CHSY3: variants seen among roughly 807,000 people sequenced by gnomAD.
CHSY3 encodes the protein chondroitin sulfate synthase 3, also known as N-acetylgalactosaminyl-proteoglycan 3-beta-glucuronosyltransferase 3.
Under a neutral mutation model 67.2 loss-of-function variants are expected in CHSY3, and 35 were observed. The observed-to-expected ratio is 0.52, with a 90% CI of 0.40 to 0.69. The LOEUF (loss-of-function observed/expected upper bound fraction) is 0.69, where lower values mean the gene tolerates loss of function less well. Among genes scored for constraint, CHSY3 ranks in the 30% least tolerant of loss-of-function variants. CHSY3 has a pLI of 0.00. For synonymous variants in CHSY3, 474 were observed against 434.7 expected, an observed-to-expected ratio of 1.09 and a Z score of -1.12; for missense variants, 1,069 against 1,138.5, an observed-to-expected ratio of 0.94 and a Z score of 0.88.
intron 2 of CHSY3, among the ~76,000 whole-genome samples, chr5:130,073,510 A>G (rs1333783995): frequency 6.6e-6 from 1 of 151,884 alleles, no homozygotes; most frequent in Non-Finnish European, 1.5e-5. Flanking sequence ...CTGGTCTTGA[A>G]CACCCGCCCC....
intron 2 of CHSY3, among the ~76,000 whole-genome samples, chr5:130,018,483 C>T (rs1398163326): frequency 6.6e-6 from 1 of 152,180 alleles, no homozygotes; most frequent in Non-Finnish European, 1.5e-5. Context: ...TAGTTCTCTG[C>T]TTCTGTCTCT....
At chr5:129,919,666 A>G (rs1760853737) in intron 2 of CHSY3, among the ~76,000 whole-genome samples, 1 of 152,290 alleles carries the variant, frequency 6.6e-6, no homozygotes, top group Admixed American at 6.5e-5. Context: ...TGATTCAGTT[A>G]TCTCCCCCGG....
intron 2 of CHSY3, among the ~76,000 whole-genome samples, chr5:130,162,981 C>G (rs1430727302): frequency 9.9e-5 from 15 of 152,056 alleles, no homozygotes; most frequent in Admixed American, 9.8e-4. Flanking sequence ...AGCACTTTTT[C>G]AATCAGTGCA....
rs148894132 is a variant in CHSY3 at position 130,028,608 on chromosome 5, A to C, written c.1086+120248A>C. 5.0e-3 allele frequency among the ~76,000 whole-genome samples: 767 copies of C among 152,238 alleles called. 7 individuals carry two copies. Among genetic ancestry groups the C allele is most frequent in the Non-Finnish European group, 8.4e-3 (568 of 67,994 alleles). On this transcript the variant is annotated intron_variant, in intron 2 of 2. Transcript: ENST00000305031. ...CTGCTTAATTAAATTAGCTGTAGTG[A>C]AAATGACAACTTATTATCTCACATA...
At chr5:130,082,883 T>C (rs112443426) in intron 2 of CHSY3, among the ~76,000 whole-genome samples, 1,727 of 151,500 alleles carry the variant, frequency 0.011, 26 homozygotes, top group African/African-American at 0.038. Flanking sequence ...TATATGTATA[T>C]ACACACACAC....
At chr5:129,924,967 A>G (rs115163572) in intron 2 of CHSY3, among the ~76,000 whole-genome samples, 1,707 of 152,282 alleles carry the variant, frequency 0.011, 39 homozygotes, top group African/African-American at 0.038. Context: ...TGTCTTGGAA[A>G]ACACATACTT....
intron 2 of CHSY3, among the ~76,000 whole-genome samples, chr5:130,123,724 G>T (rs1029496313): frequency 2.6e-5 from 4 of 151,880 alleles, no homozygotes; most frequent in African/African-American, 7.3e-5. Context: ...AAATAAAAAA[G>T]AAAAAAGAGA....
intron 2 of CHSY3, among the ~76,000 whole-genome samples, chr5:129,994,662 G>A (rs1286321814): frequency 6.6e-6 from 1 of 152,084 alleles, no homozygotes; most frequent in Admixed American, 6.6e-5. Context: ...GTCCAACAAT[G>A]ATAGACTGGT....
intron 2 of CHSY3, among the ~76,000 whole-genome samples, chr5:130,029,213 A>G (rs1764641719): frequency 6.6e-6 from 1 of 152,144 alleles, no homozygotes; most frequent in South Asian, 2.1e-4. Flanking sequence ...AGTCTCTTGG[A>G]CTCAAAGGGA....
chr5:130,180,204 C>CT (rs1373497701), intron 2 of CHSY3, among the ~76,000 whole-genome samples: 1 of 152,176 alleles, frequency 6.6e-6, no homozygotes, highest in African/African-American at 2.4e-5. Flanking sequence ...CCAAATGATC[C>CT]TGCCCAACCT....
chr5:130,181,961 C>T (rs73248953), intron 2 of CHSY3, among the ~76,000 whole-genome samples: 2,009 of 150,226 alleles, frequency 0.013, 53 homozygotes, highest in African/African-American at 0.047. Flanking sequence ...AATGCAGCTA[C>T]GAAAATTATT....
chr5:130,027,889 G>A (rs1764594208), intron 2 of CHSY3, among the ~76,000 whole-genome samples: 1 of 152,054 alleles, frequency 6.6e-6, no homozygotes, highest in Non-Finnish European at 1.5e-5. Context: ...CATTTGGGTT[G>A]GTTCCAAGTC....
At chr5:129,989,141 G>A (rs1346584225) in intron 2 of CHSY3, among the ~76,000 whole-genome samples, 3 of 152,220 alleles carry the variant, frequency 2.0e-5, no homozygotes, top group South Asian at 2.1e-4. Context: ...ACTGGCTGAC[G>A]GTTCTGGTGG....
intron 2 of CHSY3, among the ~76,000 whole-genome samples, chr5:129,960,775 C>T (rs1437086617): frequency 6.6e-6 from 1 of 151,612 alleles, no homozygotes; most frequent in Non-Finnish European, 1.5e-5. Context: ...TTTTATTTTT[C>T]CTGCAAAATT....
chr5:129,995,109 TTTATA>T (rs1763496493), intron 2 of CHSY3, among the ~76,000 whole-genome samples: 1 of 152,152 alleles, frequency 6.6e-6, no homozygotes, highest in Non-Finnish European at 1.5e-5. Context: ...TGCCAAAACT[TTTATA>T]TTAAAGTTTT....
At position 129,904,612 on chromosome 5, in the gene CHSY3, G is replaced by C; in HGVS notation, c.-218G>C. 3 of 709,808 alleles carry C rather than the reference G, an allele frequency of 4.2e-6. No homozygotes were observed. The highest frequency in any genetic ancestry group is 1.9e-6 in the Non-Finnish European group (1 of 523,524). The allele number at this position is 709,808 out of a possible 1,614,324, so 44.0% of individuals were successfully genotyped here. The stretch of plus-strand genomic sequence containing the variant: ...GTTTCACTCCCGACCCTTGCTCGGA[G>C]CCCCGGCCCAGAGCTGAGCGGGAGC... On this transcript the variant is annotated 5_prime_UTR_variant, in exon 1 of 3. Transcript: ENST00000305031.
At chr5:130,179,946 G>A (rs750091678) in intron 2 of CHSY3, among the ~76,000 whole-genome samples, 4 of 152,098 alleles carry the variant, frequency 2.6e-5, no homozygotes, top group Non-Finnish European at 4.4e-5. Flanking sequence ...CATGAAACTA[G>A]GGTTTAAGTG....
intron 2 of CHSY3, among the ~76,000 whole-genome samples, chr5:129,955,052 A>G (rs1276911507): frequency 3.3e-5 from 5 of 152,178 alleles, no homozygotes; most frequent in African/African-American, 1.2e-4. Context: ...TATTTTCAAT[A>G]TAGACGGGTT....
chr5:129,927,671 C>T (rs1188985411), intron 2 of CHSY3, among the ~76,000 whole-genome samples: 1 of 151,820 alleles, frequency 6.6e-6, no homozygotes, highest in African/African-American at 2.4e-5. Context: ...ATATCAGTTT[C>T]GTGTGTAAAT....
Sources: allele counts gnomAD v4.1 joint callset (sites outside exome capture counted in the v4.1 genomes callset), GRCh38; gene constraint gnomAD v4.1.1; transcripts MANE v1.5; gene names NCBI Gene and HGNC (gene_info 2026-07-23, HGNC 2026-07-21).